CDYL: variants seen among roughly 807,000 people sequenced by gnomAD.
The protein encoded by CDYL is chromodomain Y like.
CDYL carries 8 observed loss-of-function variants against 47.3 expected under a neutral mutation model. The ratio of observed to expected loss-of-function variants is 0.17; its 90% CI spans 0.10 to 0.31. CDYL has a LOEUF of 0.31. CDYL is among the 10% of genes least tolerant of loss of function. The pLI is 1.00. For missense variants in CDYL, 471 were observed against 701.4 expected (o/e 0.67, Z 3.71); for synonymous variants, 266 against 265.0 (o/e 1.00, Z -0.04).
In CDYL at chr6:4,954,142, C is replaced by A. The variant is rs1049484306; in HGVS notation, c.*86C>A. 1 of 1,425,958 alleles carries A rather than the reference C, an allele frequency of 7.0e-7. No individual in the cohort carries two copies. The highest frequency in any genetic ancestry group is 9.5e-7 in the Non-Finnish European group (1 of 1,052,146). 88.3% of individuals were successfully genotyped at this position (1,425,958 alleles called of 1,614,324 possible). ...CAGTTCCCCTGATCCATTCTCACAGCCTGAAACAAGCTCACCCGTAGCTTA... is the reference window on the plus strand; with the variant it reads ...CAGTTCCCCTGATCCATTCTCACAGACTGAAACAAGCTCACCCGTAGCTTA... On this transcript the variant is annotated 3_prime_UTR_variant, in exon 7 of 7. Coordinates refer to ENST00000397588, the MANE Select transcript of CDYL (RefSeq NM_004824.4).
intron 3 of CDYL, among the ~76,000 whole-genome samples, chr6:4,752,232 G>A (rs770841278): frequency 1.3e-5 from 2 of 152,116 alleles, no homozygotes; most frequent in Non-Finnish European, 2.9e-5. Context: ...GTAATTGCAA[G>A]GGTAGAGATC....
intron 1 of CDYL, among the ~76,000 whole-genome samples, chr6:4,850,610 A>G (rs184385287): frequency 2.0e-5 from 3 of 152,294 alleles, no homozygotes; most frequent in Middle Eastern, 3.4e-3. Flanking sequence ...GGTTCAGGAG[A>G]ACTTTGGATA....
At chr6:4,859,220 C>G (rs978221085) in intron 1 of CDYL, among the ~76,000 whole-genome samples, 1 of 152,172 alleles carries the variant, frequency 6.6e-6, no homozygotes, top group Non-Finnish European at 1.5e-5. Context: ...TTCTGTGGAA[C>G]AAACCTATCC....
intron 2 of CDYL, among the ~76,000 whole-genome samples, chr6:4,908,058 C>T (rs565682893): frequency 6.6e-6 from 1 of 152,328 alleles, no homozygotes; most frequent in African/African-American, 2.4e-5. Context: ...TGTCATTCCT[C>T]AATGTACTTG....
At chr6:4,780,322 T>C (rs1758577403) in intron 1 of CDYL, among the ~76,000 whole-genome samples, 1 of 141,168 alleles carries the variant, frequency 7.1e-6, no homozygotes, top group Admixed American at 7.7e-5. Context: ...AACCTCTGCC[T>C]CCCGGGTTCA....
chr6:4,714,001 G>A (rs902713052), intron 1 of CDYL: 7 of 152,216 alleles, frequency 4.6e-5, no homozygotes, highest in African/African-American at 1.4e-4. Flanking sequence ...AACATTGAGA[G>A]GATGCCGTGT....
chr6:4,711,451 TTCTC>T (rs1388363555), intron 1 of CDYL, among the ~76,000 whole-genome samples: 2 of 152,160 alleles, frequency 1.3e-5, no homozygotes, highest in Non-Finnish European at 1.5e-5. Flanking sequence ...ACCCTCACCT[TTCTC>T]TCTTAGTCTT....
chr6:4,794,095 C>T (rs1236567702), intron 1 of CDYL, among the ~76,000 whole-genome samples: 1 of 152,004 alleles, frequency 6.6e-6, no homozygotes, highest in Non-Finnish European at 1.5e-5. Context: ...TTCTTAGAGC[C>T]ATGAGTGCAT....
chr6:4,828,000 A>C (rs1467850881), intron 1 of CDYL, among the ~76,000 whole-genome samples: 1 of 152,178 alleles, frequency 6.6e-6, no homozygotes, highest in African/African-American at 2.4e-5. Flanking sequence ...GTACATTCAA[A>C]ATTCCTAAAT....
intron 6 of CDYL, 63 bp downstream of exon 6, chr6:4,952,472 G>T (rs1758737910): frequency 1.2e-5 from 18 of 1,543,540 alleles, no homozygotes; most frequent in Non-Finnish European, 1.5e-5. Flanking sequence ...CCCTCAGAGA[G>T]CTCACAAATT....
At chr6:4,888,359 G>C (rs1761954071) in intron 1 of CDYL, among the ~76,000 whole-genome samples, 1 of 151,574 alleles carries the variant, frequency 6.6e-6, no homozygotes, top group Admixed American at 6.6e-5. Flanking sequence ...AGATTTTCTT[G>C]GTTCATTTTG....
chr6:4,895,597 T>G (rs1450846080), intron 2 of CDYL, among the ~76,000 whole-genome samples: 4 of 151,818 alleles, frequency 2.6e-5, no homozygotes, highest in Admixed American at 6.6e-5. Flanking sequence ...ACCCTTGATT[T>G]TCAAAACTTC....
At position 4,740,812 on chromosome 6, in the gene CDYL, A is replaced by G. The variant is rs1582300606; in HGVS notation, c.186+5968A>G. Reference sequence around the variant, plus strand: ...ATCTTTTTTTTTTTTTTTGAGATGGAGTCTTGCTCTGTCACCTAGGCTGGA... The same window carrying G: ...ATCTTTTTTTTTTTTTTTGAGATGGGGTCTTGCTCTGTCACCTAGGCTGGA... On this transcript the variant is annotated intron_variant, in intron 3 of 8. Coordinates refer to the CDYL transcript ENST00000328908. Among the ~76,000 whole-genome samples the G allele has an allele frequency of 5.5e-5, 8 of 146,276 alleles. No individual in the cohort carries two copies. The South Asian group carries it at 1.7e-3, about 32-fold the overall frequency.
At chr6:4,946,044 T>A (rs73352358) in intron 5 of CDYL, among the ~76,000 whole-genome samples, 2,013 of 152,324 alleles carry the variant, frequency 0.013, 47 homozygotes, top group African/African-American at 0.047. Context: ...GAATGGTGTC[T>A]TGTGGGCCGA....
At chr6:4,922,683 A>G (rs1299947479) in intron 2 of CDYL, among the ~76,000 whole-genome samples, 1 of 152,208 alleles carries the variant, frequency 6.6e-6, no homozygotes, top group Non-Finnish European at 1.5e-5. Context: ...AATTACCTGG[A>G]CTTGAACAGT....
At chr6:4,730,674 C>CAAAAAAAAAAA (rs56956798) in intron 2 of CDYL, among the ~76,000 whole-genome samples, 1 of 60,452 alleles carries the variant, frequency 1.7e-5, no homozygotes, top group Admixed American at 2.2e-4. Context: ...AATTCCATCT[C>CAAAAAAAAAAA]AAAAAAAAAA....
intron 1 of CDYL, among the ~76,000 whole-genome samples, chr6:4,715,061 G>A (rs1181959387): frequency 6.6e-6 from 1 of 152,172 alleles, no homozygotes; most frequent in East Asian, 1.9e-4. Flanking sequence ...CCAATGGCAT[G>A]TTTCCATAAA....
rs1317056840 is a variant in CDYL at position 4,722,047 on chromosome 6, A to G, written c.103+6166A>G. Among the ~76,000 whole-genome samples, 11 of 151,944 alleles carry G rather than the reference A, an allele frequency of 7.2e-5. No individual in the cohort carries two copies. In the East Asian group the frequency reaches 2.1e-3, roughly 30 times the overall value. ...TTTTTGTATTTTTAGTAGAGACGGG[A>G]TTTCATCATGTTGGTCAGGCTGGTC... On this transcript the variant is annotated intron_variant, in intron 2 of 8. Coordinates refer to the CDYL transcript ENST00000328908.
chr6:4,760,275 G>T (rs1231745914), intron 3 of CDYL, among the ~76,000 whole-genome samples: 21 of 151,592 alleles, frequency 1.4e-4, no homozygotes, highest in African/African-American at 5.1e-4. Flanking sequence ...AGCTTAGAGG[G>T]TCGAAGCACT....
Sources: gnomAD v4.1 joint callset for allele counts (sites outside exome capture counted in the v4.1 genomes callset) on GRCh38, gnomAD v4.1.1 for gene constraint, MANE v1.5 for transcripts, NCBI Gene and HGNC (gene_info 2026-07-23, HGNC 2026-07-21) for gene names.